HELLS: variants seen among roughly 807,000 people sequenced by gnomAD.
HELLS encodes the protein lymphoid-specific helicase.
In HELLS, 32 loss-of-function variants were observed where a neutral mutation model predicts 120.0. The ratio of observed to expected loss-of-function variants is 0.27; its 90% CI spans 0.20 to 0.36. The LOEUF (loss-of-function observed/expected upper bound fraction) is 0.36, where lower values mean the gene tolerates loss of function less well. Ranked by LOEUF, HELLS falls within the 10% of genes least tolerant of loss-of-function variation. The pLI, the probability that HELLS is intolerant of heterozygous loss-of-function variation, is 1.00. For missense variants in HELLS, 650 were observed against 993.4 expected (o/e 0.65, Z 4.65); for synonymous variants, 341 against 323.4 (o/e 1.05, Z -0.58).
chr10:94,605,022 C>A (rs961944787), downstream of HELLS, among the ~76,000 whole-genome samples: 1 of 147,572 alleles, frequency 6.8e-6, no homozygotes, highest in Admixed American at 6.8e-5. Context: ...CCTGGGTATT[C>A]CTGTTGGCTG....
At chr10:94,605,643 C>CTTTTTTTTTTTTTTTTTTTTTTTTTTTTT (rs1206815493), downstream of HELLS, among the ~76,000 whole-genome samples, 1 of 125,106 alleles carries the variant, frequency 8.0e-6, no homozygotes. Context: ...TTAATGGTTC[C>CTTTTTTTTTTTTTTTTTTTTTTTTTTTTT]TTTTTTTTTT....
chr10:94,604,251 A>C (rs1053991990), downstream of HELLS, among the ~76,000 whole-genome samples: 1 of 150,934 alleles, frequency 6.6e-6, no homozygotes, highest in Non-Finnish European at 1.5e-5. Flanking sequence ...TGGCCTCCCG[A>C]GTAGCTGGGA....
downstream of HELLS, among the ~76,000 whole-genome samples, chr10:94,604,531 G>C (rs1846106010): frequency 1.5e-5 from 2 of 133,344 alleles, no homozygotes; most frequent in South Asian, 4.6e-4. Context: ...TGTTTCTTCA[G>C]ATGCCTTGGG....
chr10:94,612,016 T>A (rs976237584), exon 10 of HELLS: 8 of 152,224 alleles, frequency 5.3e-5, no homozygotes, highest in Non-Finnish European at 1.2e-4. Flanking sequence ...GATTATCTTA[T>A]GCATTGCTTC....
intron 8 of HELLS, among the ~76,000 whole-genome samples, chr10:94,607,739 T>C (rs1482273988): frequency 6.6e-6 from 1 of 152,180 alleles, no homozygotes; most frequent in Non-Finnish European, 1.5e-5. Context: ...TGTCTTGTTT[T>C]TTTGAGACGG....
At chr10:94,546,348 T>TGCAATTTGAAA (rs754362225) in intron 1 of HELLS, 29 bp from the exon 2 acceptor site, 1 of 1,613,776 alleles carries the variant, frequency 6.2e-7, no homozygotes, top group Non-Finnish European at 8.5e-7. Context: ...TTTTTAAAAC[T>TGCAATTTGAAA]GCAATTTGAA....
chr10:94,556,788 T>C (rs955991204), intron 3 of HELLS, among the ~76,000 whole-genome samples: 2 of 152,226 alleles, frequency 1.3e-5, no homozygotes, highest in African/African-American at 4.8e-5. Flanking sequence ...TCTTTAGTAC[T>C]TTATTTCTTG....
chr10:94,559,577 C>T (rs2134011241), intron 4 of HELLS, among the ~76,000 whole-genome samples: 1 of 152,072 alleles, frequency 6.6e-6, no homozygotes, highest in Middle Eastern at 3.4e-3. Flanking sequence ...TCCCGAGTAG[C>T]TGGGACTACA....
At chr10:94,586,571 G>C (rs1455566490) in intron 12 of HELLS, among the ~76,000 whole-genome samples, 1 of 152,042 alleles carries the variant, frequency 6.6e-6, no homozygotes, top group Non-Finnish European at 1.5e-5. Context: ...TACCTGTTGG[G>C]TATTTAAGTC....
chr10:94,551,771 G>T (rs1252775612), intron 2 of HELLS, among the ~76,000 whole-genome samples: 3 of 148,804 alleles, frequency 2.0e-5, no homozygotes, highest in African/African-American at 5.0e-5. Context: ...ATGGAGTCTC[G>T]CTCTGTTGCC....
Position 94,573,961 on chromosome 10 carries a change from A to G in HELLS, c.479A>G (p.Asp160Gly), listed in dbSNP as rs767241197. The G allele has an allele frequency of 1.3e-5, 20 of 1,586,422 alleles. No individual in the cohort carries two copies. The highest frequency in any genetic ancestry group is 2.2e-5 in the East Asian group (1 of 44,720). ...VAKKNKKENEDENSSSTNLCV... is the reference protein window; with the variant it reads ...VAKKNKKENEGENSSSTNLCV... ...TTATTAAACTTTTTTTCTCTACAGGATGAAAACTCCTCCTCTACTAATCTC... is the reference window on the plus strand; with the variant it reads ...TTATTAAACTTTTTTTCTCTACAGGGTGAAAACTCCTCCTCTACTAATCTC... Residue 160 changes from aspartate (D) to glycine (G), a missense_variant and splice_region_variant, in exon 8 of 22, where the codon GAT (aspartate) becomes GGT (glycine). Around this residue, in one of 9 missense-constraint regions of HELLS, gnomAD observed 113 missense variants for 120.7 expected, o/e 0.94. Coordinates refer to ENST00000348459, the MANE Select transcript of HELLS (RefSeq NM_018063.5).
chr10:94,598,500 C>T (rs1415328520), intron 21 of HELLS, among the ~76,000 whole-genome samples: 2 of 151,954 alleles, frequency 1.3e-5, no homozygotes, highest in East Asian at 1.9e-4. Context: ...CATTTACCTG[C>T]GTGGCACTGG....
At position 94,564,674 on chromosome 10, in the gene HELLS, C is replaced by T. The variant is rs147927526; in HGVS notation, c.435+1798C>T. 8.6e-3 allele frequency among the ~76,000 whole-genome samples: 1,308 copies of T among 152,004 alleles called. 18 individuals are homozygous for T. The highest frequency in any genetic ancestry group is 0.03 in the African/African-American group (1,240 of 41,464). On this transcript the variant is annotated intron_variant, in intron 6 of 21. Transcript: ENST00000348459. Reference sequence around the variant, plus strand: ...TCCCTCAGGCTGGAGTGCAGTGGCGCGATCTCGGCTCACTGCTACAAGCTC... The same window carrying T: ...TCCCTCAGGCTGGAGTGCAGTGGCGTGATCTCGGCTCACTGCTACAAGCTC...
chr10:94,603,306 C>G (rs1310930966), downstream of HELLS, among the ~76,000 whole-genome samples: 1 of 152,192 alleles, frequency 6.6e-6, no homozygotes, highest in Non-Finnish European at 1.5e-5. Context: ...TTTTTAAGGT[C>G]TCGTGACGTC....
At chr10:94,577,024 G>T in intron 10 of HELLS, 1 of 594,772 alleles carries the variant, frequency 1.7e-6, no homozygotes, top group Admixed American at 2.9e-5. Context: ...GCTTATGGCA[G>T]TTTAACCTAT....
exon 10 of HELLS, chr10:94,612,691 C>G (rs1429514312): frequency 2.0e-5 from 3 of 152,092 alleles, no homozygotes; most frequent in Non-Finnish European, 4.4e-5. Context: ...TTTGGAAGGC[C>G]GAGGCGAACG....
At position 94,566,690 on chromosome 10, in the gene HELLS, C is replaced by T. The variant is rs544635576; in HGVS notation, c.435+3814C>T. 2.6e-5 allele frequency among the ~76,000 whole-genome samples: 4 copies of T among 151,438 alleles called. No homozygotes were observed. The East Asian group carries it at 7.8e-4, about 29-fold the overall frequency. ...TTTAAGACAGAGTTTCACTGTGTGG[C>T]CCAGGCTGGAGTGCAGTGGTGATCT... On this transcript the variant is annotated intron_variant, in intron 6 of 21. Coordinates refer to ENST00000348459, the MANE Select transcript of HELLS (RefSeq NM_018063.5).
In HELLS at chr10:94,593,520, C is replaced by G. The variant is rs1157514556; in HGVS notation, c.1993C>G (p.Pro665Ala). 2.5e-6 allele frequency: 4 copies of G among 1,612,246 alleles called. No individual in the cohort carries two copies. The highest frequency in any genetic ancestry group is 3.4e-6 in the Non-Finnish European group (4 of 1,178,346). ...EKNMHSFNTD[P>A]EVFIFLVSTR... ...TTAGATGCACAGCTTCAACACGGAT[C>G]CAGAGGTGTTTATCTTCTTAGTGAG... is the stretch of plus-strand genomic sequence containing the variant. Residue 665 changes from proline to alanine, a missense_variant, in exon 18 of 22, where the codon CCA becomes GCA. Coordinates refer to ENST00000348459, the MANE Select transcript of HELLS (RefSeq NM_018063.5).
chr10:94,547,323 A>C (rs1223209000), intron 2 of HELLS, among the ~76,000 whole-genome samples: 4 of 152,198 alleles, frequency 2.6e-5, no homozygotes, highest in Admixed American at 2.6e-4. Context: ...ACAAATGAAG[A>C]AACTGAGGGA....
Sources: allele counts gnomAD v4.1 joint callset (sites outside exome capture counted in the v4.1 genomes callset), GRCh38; gene constraint gnomAD v4.1.1; regional missense constraint gnomAD v4.1.1; transcripts MANE v1.5; gene names NCBI Gene and HGNC (gene_info 2026-07-23, HGNC 2026-07-21).